IGF1R: variants seen among roughly 807,000 people sequenced by gnomAD.
IGF1R encodes the protein insulin like growth factor 1 receptor, also known as insulin-like growth factor 1 receptor.
IGF1R carries 44 observed loss-of-function variants against 144.6 expected under a neutral mutation model. The ratio of observed to expected loss-of-function variants is 0.30; its 90% CI spans 0.24 to 0.39. IGF1R has a LOEUF of 0.39. Ranked by LOEUF, IGF1R falls within the 10% of genes least tolerant of loss-of-function variation. The pLI is 1.00. For synonymous variants in IGF1R, 795 were observed against 722.8 expected (o/e 1.10, Z -1.60); for missense variants, 1,355 against 1,833.7 (o/e 0.74, Z 4.77).
At chr15:98,884,427 G>T (rs1222188567) in intron 2 of IGF1R, among the ~76,000 whole-genome samples, 2 of 152,186 alleles carry the variant, frequency 1.3e-5, no homozygotes, top group Non-Finnish European at 1.5e-5. Flanking sequence ...AGGCCTGGTG[G>T]CTCACACCTG....
At chr15:98,661,795 C>T (rs1281647189) in intron 1 of IGF1R, among the ~76,000 whole-genome samples, 1 of 152,080 alleles carries the variant, frequency 6.6e-6, no homozygotes, top group African/African-American at 2.4e-5. Context: ...ATAATGTATC[C>T]AAGCTGCCCA....
At chr15:98,899,894 C>T (rs943931918) in intron 5 of IGF1R, among the ~76,000 whole-genome samples, 4 of 152,120 alleles carry the variant, frequency 2.6e-5, no homozygotes, top group African/African-American at 7.2e-5. Flanking sequence ...ACCAGTGAGA[C>T]GGCAGACGGG....
chr15:98,824,789 G>A (rs2056861979), intron 2 of IGF1R, among the ~76,000 whole-genome samples: 2 of 151,424 alleles, frequency 1.3e-5, no homozygotes, highest in Non-Finnish European at 2.9e-5. Flanking sequence ...ACTCTCCTAA[G>A]ACTTGATCAT....
At chr15:98,815,445 G>C (rs2056675757) in intron 2 of IGF1R, among the ~76,000 whole-genome samples, 1 of 152,278 alleles carries the variant, frequency 6.6e-6, no homozygotes. Flanking sequence ...GCGCATGAAA[G>C]CAGGCCTTTG....
rs752577413 is a variant in IGF1R, at chr15:98,877,979, G to A, written c.641-13346G>A. On this transcript the variant is annotated intron_variant, in intron 2 of 20. Coordinates refer to ENST00000650285, the MANE Select transcript of IGF1R (RefSeq NM_000875.5). The stretch of plus-strand genomic sequence containing the variant: ...CTTTTGCGTAGGTTGTTGAAACATT[G>A]CACCTTTTGGACTAACAGTTTTTAC... Among the ~76,000 whole-genome samples the A allele has an allele frequency of 3.9e-5, 6 of 152,312 alleles. 1 individual carries two copies. Among genetic ancestry groups the A allele is most frequent in the Admixed American group, 2.6e-4 (4 of 15,306 alleles).
intron 2 of IGF1R, among the ~76,000 whole-genome samples, chr15:98,829,381 A>C (rs112222418): frequency 0.021 from 3,210 of 151,566 alleles, 124 homozygotes; most frequent in African/African-American, 0.073. Context: ...AAAAAAAAAA[A>C]CTTGAGGTTT....
At chr15:98,699,038 G>A (rs972601199) in intron 1 of IGF1R, among the ~76,000 whole-genome samples, 1 of 152,210 alleles carries the variant, frequency 6.6e-6, no homozygotes, top group Non-Finnish European at 1.5e-5. Context: ...ACACAGGGCC[G>A]ACTTTTATTT....
At chr15:98,792,457 T>C (rs1470806807) in intron 2 of IGF1R, among the ~76,000 whole-genome samples, 1 of 152,248 alleles carries the variant, frequency 6.6e-6, no homozygotes, top group African/African-American at 2.4e-5. Flanking sequence ...TTTTAAAGTG[T>C]GCCTTTTGAT....
At chr15:98,836,036 A>T (rs1479650305) in intron 2 of IGF1R, among the ~76,000 whole-genome samples, 1 of 152,148 alleles carries the variant, frequency 6.6e-6, no homozygotes, top group East Asian at 1.9e-4. Context: ...ATCACTCTCC[A>T]TTCAGTTAGA....
At chr15:98,653,490 A>G (rs751810030) in intron 1 of IGF1R, among the ~76,000 whole-genome samples, 4 of 151,904 alleles carry the variant, frequency 2.6e-5, no homozygotes, top group Non-Finnish European at 4.4e-5. Flanking sequence ...TTGCAGTTTT[A>G]TTTTATTTCT....
At chr15:98,881,657 A>G (rs530292900) in intron 2 of IGF1R, among the ~76,000 whole-genome samples, 1 of 152,284 alleles carries the variant, frequency 6.6e-6, no homozygotes, top group Non-Finnish European at 1.5e-5. Flanking sequence ...ACATGCTGCA[A>G]CCACATACCA....
chr15:98,654,141 CTA>C (rs751857012), intron 1 of IGF1R, among the ~76,000 whole-genome samples: 7 of 152,174 alleles, frequency 4.6e-5, no homozygotes, highest in Non-Finnish European at 1.0e-4. Context: ...ACTTAGGACT[CTA>C]GTGTTGTTCA....
At chr15:98,664,430 C>T (rs532948436) in intron 1 of IGF1R, among the ~76,000 whole-genome samples, 158 of 152,172 alleles carry the variant, frequency 1.0e-3, no homozygotes, top group South Asian at 2.1e-3. Context: ...TTTGGGAGGC[C>T]GAGGTGAGCG....
rs1207561967 is a variant in IGF1R, at chr15:98,959,628, A to G, written c.*2186A>G. 8.6e-6 allele frequency: 2 copies of G among 233,608 alleles called. No individual in the cohort carries two copies. The highest frequency in any genetic ancestry group is 2.2e-5 in the African/African-American group (1 of 45,482). The allele number at this position is 233,608 out of a possible 1,614,324, so 14.5% of individuals were successfully genotyped here. Reference sequence around the variant, plus strand: ...CCAGGAATCCAGGTCCTTGGGGCCCAGGGGTCTTGTCTTGTTTCATTTTTA... The same window carrying G: ...CCAGGAATCCAGGTCCTTGGGGCCCGGGGGTCTTGTCTTGTTTCATTTTTA... On this transcript the variant is annotated 3_prime_UTR_variant, in exon 21 of 21. Coordinates refer to ENST00000650285, the MANE Select transcript of IGF1R (RefSeq NM_000875.5).
At chr15:98,928,890 G>T (rs570799376) in intron 13 of IGF1R, among the ~76,000 whole-genome samples, 1 of 152,210 alleles carries the variant, frequency 6.6e-6, no homozygotes, top group Non-Finnish European at 1.5e-5. Context: ...GCATTGGAAA[G>T]GGGTGCCGTC....
At chr15:98,690,897 AC>A (rs2053460724) in intron 1 of IGF1R, among the ~76,000 whole-genome samples, 1 of 152,252 alleles carries the variant, frequency 6.6e-6, no homozygotes, top group Non-Finnish European at 1.5e-5. Flanking sequence ...TTTTAAAAAA[AC>A]ATTTAAATAG....
At chr15:98,858,683 G>A (rs922858666) in intron 2 of IGF1R, among the ~76,000 whole-genome samples, 2 of 152,192 alleles carry the variant, frequency 1.3e-5, no homozygotes, top group African/African-American at 4.8e-5. Context: ...ACGAGGTCTC[G>A]CCTGGGCTTC....
At chr15:98,675,177 C>T (rs1185363078) in intron 1 of IGF1R, among the ~76,000 whole-genome samples, 2 of 151,766 alleles carry the variant, frequency 1.3e-5, no homozygotes, top group South Asian at 2.1e-4. Flanking sequence ...TTAGTAGAAA[C>T]GGGGTTTCAC....
chr15:98,796,704 G>A (rs762856484), intron 2 of IGF1R, among the ~76,000 whole-genome samples: 4 of 152,178 alleles, frequency 2.6e-5, no homozygotes, highest in Non-Finnish European at 4.4e-5. Flanking sequence ...CTTAATAATT[G>A]TGTCTATTGA....
Sources: allele counts gnomAD v4.1 joint callset (sites outside exome capture counted in the v4.1 genomes callset), GRCh38; gene constraint gnomAD v4.1.1; transcripts MANE v1.5; gene names NCBI Gene and HGNC (gene_info 2026-07-23, HGNC 2026-07-21).